The following TENM3 variants were observed in gnomAD, a reference collection of about 807,000 sequenced individuals.
TENM3 encodes teneurin-3.
In TENM3, 63 loss-of-function variants were observed where a neutral mutation model predicts 255.1. The ratio of observed to expected loss-of-function variants is 0.25; its 90% confidence interval spans 0.20 to 0.30. The LOEUF (loss-of-function observed/expected upper bound fraction) is 0.30, where lower values mean the gene tolerates loss of function less well. Among genes scored for constraint, TENM3 ranks in the 10% least tolerant of loss-of-function variants. TENM3 has a pLI of 1.00. For missense variants in TENM3, 2,929 were observed against 3,461.1 expected, an observed-to-expected ratio of 0.85 and a Z score of 3.86; for synonymous variants, 1,306 against 1,322.3, an observed-to-expected ratio of 0.99 and a Z score of 0.27.
intron 1 of TENM3, among the ~76,000 whole-genome samples, chr4:182,182,432 C>G (rs2149745134): frequency 6.6e-6 from 1 of 152,188 alleles, no homozygotes; most frequent in South Asian, 2.1e-4. Context: ...GCAAGGATTT[C>G]TTGGTATCAG....
At chr4:182,540,737 G>A (rs1420209972) in intron 3 of TENM3, among the ~76,000 whole-genome samples, 1 of 152,056 alleles carries the variant, frequency 6.6e-6, no homozygotes, top group African/African-American at 2.4e-5. Flanking sequence ...GAGATAGCTC[G>A]GTGAAAAAAA....
chr4:182,283,684 G>T (rs1760541485), intron 1 of TENM3, among the ~76,000 whole-genome samples: 2 of 152,166 alleles, frequency 1.3e-5, no homozygotes, highest in Admixed American at 6.5e-5. Flanking sequence ...ATAAAAAGAA[G>T]CGAATCCTTT....
intron 3 of TENM3, among the ~76,000 whole-genome samples, chr4:182,520,808 A>G (rs1210835341): frequency 6.6e-6 from 1 of 152,230 alleles, no homozygotes; most frequent in East Asian, 1.9e-4. Context: ...TTATAGTACC[A>G]TATGAAATTC....
At chr4:181,627,382 A>G in the TENM3 span, among the ~76,000 whole-genome samples, 1 of 152,134 alleles carries the variant, frequency 6.6e-6, no homozygotes, top group African/African-American at 2.4e-5. Flanking sequence ...CATGTGCACA[A>G]TGTGCAGGTT....
the TENM3 span, among the ~76,000 whole-genome samples, chr4:182,021,186 T>A: frequency 6.6e-6 from 1 of 152,216 alleles, no homozygotes; most frequent in Non-Finnish European, 1.5e-5. Context: ...CCTGCATTAA[T>A]TCACTTAGAA....
At chr4:182,500,640 G>GA (rs11414762) in intron 3 of TENM3, among the ~76,000 whole-genome samples, 143,326 of 152,086 alleles carry the variant, frequency 0.94, 67,740 homozygotes, top group East Asian at 1. Context: ...TAAATAATTA[G>GA]AAAACGTGTA....
chr4:182,690,488 A>G (rs1756929988), intron 12 of TENM3, among the ~76,000 whole-genome samples: 3 of 152,304 alleles, frequency 2.0e-5, no homozygotes, highest in Admixed American at 1.3e-4. Context: ...TATACCTCTG[A>G]TCACATTCCC....
At chr4:181,793,195 G>A in the TENM3 span, among the ~76,000 whole-genome samples, 1 of 152,150 alleles carries the variant, frequency 6.6e-6, no homozygotes, top group Admixed American at 6.5e-5. Flanking sequence ...TCCAGGGCTG[G>A]CCGGCGATCC....
chr4:182,341,861 T>C (rs1341399346), intron 2 of TENM3, among the ~76,000 whole-genome samples: 1 of 152,196 alleles, frequency 6.6e-6, no homozygotes, highest in Non-Finnish European at 1.5e-5. Flanking sequence ...ATCAGCTGCT[T>C]TTCAGGGGAA....
chr4:182,047,631 A>C, the TENM3 span, among the ~76,000 whole-genome samples: 3 of 151,770 alleles, frequency 2.0e-5, no homozygotes, highest in Non-Finnish European at 4.4e-5. Flanking sequence ...AGTAGGCAGC[A>C]TCTATTCTAG....
intron 4 of TENM3, among the ~76,000 whole-genome samples, chr4:182,626,550 C>T (rs1750833733): frequency 6.6e-6 from 1 of 152,086 alleles, no homozygotes; most frequent in African/African-American, 2.4e-5. Context: ...AAAACCAAGA[C>T]ACAAAACTTG....
intron 22 of TENM3, 55 bp downstream of exon 22, chr4:182,755,314 A>ACAG: frequency 7.6e-7 from 1 of 1,322,528 alleles, no homozygotes; most frequent in Non-Finnish European, 1.0e-6. Flanking sequence ...TAATAATATC[A>ACAG]TCTATAATAA....
chr4:182,380,940 A>G (rs17319036), intron 3 of TENM3, among the ~76,000 whole-genome samples: 2 of 152,182 alleles, frequency 1.3e-5, no homozygotes, highest in Non-Finnish European at 2.9e-5. Flanking sequence ...GTTTGGCACC[A>G]GCGCATGGAG....
chr4:181,978,589 G>A, the TENM3 span, among the ~76,000 whole-genome samples: 1 of 149,102 alleles, frequency 6.7e-6, no homozygotes, highest in Admixed American at 6.7e-5. Flanking sequence ...GGAGGTTGCA[G>A]TAAGCCGAGA....
chr4:182,261,196 T>A (rs1453730532), intron 1 of TENM3, among the ~76,000 whole-genome samples: 2 of 152,226 alleles, frequency 1.3e-5, no homozygotes, highest in Non-Finnish European at 2.9e-5. Context: ...TTCAAAATAG[T>A]CACTCATCCA....
chr4:182,214,558 G>T (rs1278972426), intron 1 of TENM3, among the ~76,000 whole-genome samples: 2 of 150,030 alleles, frequency 1.3e-5, no homozygotes, highest in African/African-American at 4.9e-5. Context: ...AGGGACGGGG[G>T]TCTTGCTGTG....
chr4:181,958,612 G>C, the TENM3 span, among the ~76,000 whole-genome samples: 3 of 152,016 alleles, frequency 2.0e-5, no homozygotes, highest in Non-Finnish European at 2.9e-5. Context: ...GTGTCGAGTG[G>C]GTAGGCTGGA....
At chr4:181,524,582 A>G in the TENM3 span, among the ~76,000 whole-genome samples, 2 of 152,188 alleles carry the variant, frequency 1.3e-5, no homozygotes, top group Non-Finnish European at 2.9e-5. Flanking sequence ...AGTTTGACTG[A>G]TTAATTATCT....
chr4:182,748,995 C>G (rs931753049), intron 19 of TENM3, among the ~76,000 whole-genome samples: 1 of 152,114 alleles, frequency 6.6e-6, no homozygotes, highest in Non-Finnish European at 1.5e-5. Context: ...CTCTTTACTT[C>G]CCCACTAGGA....
Sources: gnomAD v4.1 joint callset for allele counts (sites outside exome capture counted in the v4.1 genomes callset) on GRCh38, gnomAD v4.1.1 for gene constraint, MANE v1.5 for transcripts, NCBI Gene and HGNC (gene_info 2026-07-23, HGNC 2026-07-21) for gene names.